ST6GALNAC3: variants seen among roughly 807,000 people sequenced by gnomAD.
ST6GALNAC3 encodes ST6 N-acetylgalactosaminide alpha-2,6-sialyltransferase 3.
ST6GALNAC3 carries 25 observed loss-of-function variants against 32.7 expected under a neutral mutation model. The observed-to-expected ratio is 0.76, with a 90% CI of 0.56 to 1.07. ST6GALNAC3 has a LOEUF of 1.07. Ranked by LOEUF, ST6GALNAC3 falls within the 50% of genes least tolerant of loss-of-function variation. The probability of loss-of-function intolerance (pLI) is 0.00; values close to 1 mark genes in which losing one functional copy is unlikely to be tolerated. For missense variants in ST6GALNAC3, 355 were observed against 382.4 expected (o/e 0.93, Z 0.60); for synonymous variants, 129 against 133.1 (o/e 0.97, Z 0.21).
intron 1 of ST6GALNAC3, among the ~76,000 whole-genome samples, chr1:76,290,642 C>T (rs1206604567): frequency 1.3e-5 from 2 of 152,168 alleles, no homozygotes; most frequent in African/African-American, 2.4e-5. Context: ...GACCAGAAGC[C>T]AGGTCTTTTT....
At chr1:76,206,000 A>G (rs1169242414) in intron 1 of ST6GALNAC3, among the ~76,000 whole-genome samples, 2 of 152,190 alleles carry the variant, frequency 1.3e-5, no homozygotes, top group African/African-American at 4.8e-5. Flanking sequence ...TCATTCATTT[A>G]TTTAAATGGT....
intron 1 of ST6GALNAC3, among the ~76,000 whole-genome samples, chr1:76,307,263 G>A (rs994346831): frequency 6.6e-6 from 1 of 151,902 alleles, no homozygotes; most frequent in African/African-American, 2.4e-5. Context: ...TTTAATAAGC[G>A]GGATACACCC....
intron 3 of ST6GALNAC3, among the ~76,000 whole-genome samples, chr1:76,617,860 G>C (rs896899673): frequency 6.6e-6 from 1 of 152,158 alleles, no homozygotes; most frequent in Non-Finnish European, 1.5e-5. Context: ...GAATGAAGGA[G>C]ATTCCAGAAT....
rs1453004836 is a variant in ST6GALNAC3, at chr1:76,633,738, C to G, written c.*4932C>G. 1.3e-5 allele frequency: 2 copies of G among 152,180 alleles called. No individual in the cohort carries two copies. The highest frequency in any genetic ancestry group is 1.3e-4 in the Admixed American group (2 of 15,290). The allele number at this position is 152,180 out of a possible 1,614,324, so 9.4% of individuals were successfully genotyped here. ...GTGACCTTTGAGCCCAGATACCCTT[C>G]TAGAAGGTGAATGAAAGCCCCACAT... On this transcript the variant is annotated 3_prime_UTR_variant, in exon 5 of 5. Transcript: ENST00000328299.
At chr1:76,194,330 G>A (rs1654072147) in intron 1 of ST6GALNAC3, among the ~76,000 whole-genome samples, 3 of 152,142 alleles carry the variant, frequency 2.0e-5, no homozygotes, top group African/African-American at 7.2e-5. Context: ...TAAAAGAGTG[G>A]TTCTCAAACC....
intron 2 of ST6GALNAC3, among the ~76,000 whole-genome samples, chr1:76,390,946 AT>A (rs58114434): frequency 0.4 from 48,382 of 120,992 alleles, 14,171 homozygotes; most frequent in East Asian, 0.72. Context: ...ATATATATGT[AT>A]TTTTTTTTTT....
At position 76,429,162 on chromosome 1, in the gene ST6GALNAC3, T is replaced by C. The variant is rs533675591; in HGVS notation, c.623+16745T>C. ...CTCATCTGTGTTTTGTTTTTAACAATAGAATTGTTATACTGAATTCTCAAG... is the reference window on the plus strand; with the variant it reads ...CTCATCTGTGTTTTGTTTTTAACAACAGAATTGTTATACTGAATTCTCAAG... On this transcript the variant is annotated intron_variant, in intron 3 of 4. Transcript: ENST00000328299. 3.9e-5 allele frequency among the ~76,000 whole-genome samples: 6 copies of C among 152,288 alleles called. No homozygotes were observed. In the South Asian group the frequency reaches 6.2e-4, roughly 16 times the overall value.
At chr1:76,556,212 G>A (rs1664913858) in intron 3 of ST6GALNAC3, among the ~76,000 whole-genome samples, 1 of 152,004 alleles carries the variant, frequency 6.6e-6, no homozygotes, top group South Asian at 2.1e-4. Flanking sequence ...TGTACTTCAT[G>A]ATTTTTATGG....
intron 1 of ST6GALNAC3, among the ~76,000 whole-genome samples, chr1:76,280,047 C>T (rs1027195119): frequency 6.6e-6 from 1 of 151,784 alleles, no homozygotes; most frequent in Admixed American, 6.6e-5. Flanking sequence ...TCTCATTTTT[C>T]GTTCTCTTAT....
intron 2 of ST6GALNAC3, among the ~76,000 whole-genome samples, chr1:76,328,069 A>G (rs947779275): frequency 1.1e-4 from 17 of 152,314 alleles, no homozygotes; most frequent in Admixed American, 1.0e-3. Flanking sequence ...TGAGGCTAGG[A>G]TAGGTAATAC....
chr1:76,223,247 G>C (rs1169850837), intron 1 of ST6GALNAC3, among the ~76,000 whole-genome samples: 1 of 152,156 alleles, frequency 6.6e-6, no homozygotes, highest in Non-Finnish European at 1.5e-5. Context: ...GCAGCAACAT[G>C]GATGGATCTG....
rs80236286 is a variant in ST6GALNAC3, at chr1:76,434,064, G to T, written c.623+21647G>T. Among the ~76,000 whole-genome samples the T allele has an allele frequency of 5.8e-3, 889 of 152,260 alleles. 9 individuals carry two copies. The highest frequency in any genetic ancestry group is 0.021 in the African/African-American group (862 of 41,536). ...GTTATTTGCTCACTCCTCACAGAAG[G>T]CTTCGAAAAGCAAACCATGGCAGGT... On this transcript the variant is annotated intron_variant, in intron 3 of 4. Transcript: ENST00000328299.
intron 2 of ST6GALNAC3, among the ~76,000 whole-genome samples, chr1:76,406,147 C>G (rs1246129247): frequency 1.3e-5 from 2 of 151,996 alleles, no homozygotes; most frequent in Non-Finnish European, 2.9e-5. Flanking sequence ...AGCCATTGTC[C>G]TGGATCCTCA....
chr1:76,226,926 T>C (rs1381812914), intron 1 of ST6GALNAC3, among the ~76,000 whole-genome samples: 2 of 152,162 alleles, frequency 1.3e-5, no homozygotes, highest in African/African-American at 4.8e-5. Context: ...TCCCAACAAC[T>C]GGAAACATGA....
chr1:76,185,338 T>A (rs1653482987), intron 1 of ST6GALNAC3, among the ~76,000 whole-genome samples: 1 of 152,192 alleles, frequency 6.6e-6, no homozygotes, highest in Admixed American at 6.5e-5. Flanking sequence ...TCACAACACA[T>A]GCACCATTTT....
intron 2 of ST6GALNAC3, among the ~76,000 whole-genome samples, chr1:76,357,678 A>C (rs1649594879): frequency 6.6e-6 from 1 of 152,188 alleles, no homozygotes; most frequent in South Asian, 2.1e-4. Flanking sequence ...CATTTCTGTT[A>C]GACTAAAGCT....
At chr1:76,122,383 C>T (rs540203226) in intron 1 of ST6GALNAC3, among the ~76,000 whole-genome samples, 6 of 152,268 alleles carry the variant, frequency 3.9e-5, no homozygotes, top group African/African-American at 1.4e-4. Flanking sequence ...TCCAAAATAT[C>T]AGTCAGCACA....
intron 3 of ST6GALNAC3, among the ~76,000 whole-genome samples, chr1:76,495,550 A>G (rs1368473955): frequency 1.3e-5 from 2 of 152,142 alleles, no homozygotes; most frequent in African/African-American, 4.8e-5. Flanking sequence ...AAACTCTCCT[A>G]GGTAACTTAC....
intron 2 of ST6GALNAC3, among the ~76,000 whole-genome samples, chr1:76,403,049 GA>G (rs201369890): frequency 8.1e-5 from 12 of 147,980 alleles, no homozygotes; most frequent in African/African-American, 2.2e-4. Flanking sequence ...AAAACAAAAT[GA>G]AAAAAAAAAT....
Sources: allele counts gnomAD v4.1 joint callset (sites outside exome capture counted in the v4.1 genomes callset), GRCh38; gene constraint gnomAD v4.1.1; transcripts MANE v1.5; gene names NCBI Gene and HGNC (gene_info 2026-07-23, HGNC 2026-07-21).